Variants in DLGAP2 observed in about 807,000 individuals in gnomAD.
DLGAP2 encodes the protein disks large-associated protein 2.
In DLGAP2, 26 loss-of-function variants were observed where a neutral mutation model predicts 100.3. The ratio of observed to expected loss-of-function variants is 0.26; its 90% CI spans 0.19 to 0.36. The LOEUF (loss-of-function observed/expected upper bound fraction) is 0.36, where lower values mean the gene tolerates loss of function less well. Among genes scored for constraint, DLGAP2 ranks in the 10% least tolerant of loss-of-function variants. The pLI, the probability that DLGAP2 is intolerant of heterozygous loss-of-function variation, is 1.00. For synonymous variants in DLGAP2, 886 were observed against 630.1 expected, an observed-to-expected ratio of 1.41 and a Z score of -6.08; for missense variants, 1,858 against 1,453.2, an observed-to-expected ratio of 1.28 and a Z score of -4.53.
At chr8:876,742 C>G (rs1222493957) in intron 1 of DLGAP2, among the ~76,000 whole-genome samples, 2 of 152,032 alleles carry the variant, frequency 1.3e-5, no homozygotes, top group African/African-American at 4.8e-5. Context: ...TTTCTCTTAC[C>G]TCCTTCTGAT....
chr8:1,555,232 C>T (rs766613077), intron 5 of DLGAP2, among the ~76,000 whole-genome samples: 1 of 152,146 alleles, frequency 6.6e-6, no homozygotes, highest in Non-Finnish European at 1.5e-5. Flanking sequence ...CGCAGCCCCT[C>T]GAGTTTCTGG....
At chr8:1,068,919 C>A (rs1563174767) in intron 2 of DLGAP2, among the ~76,000 whole-genome samples, 1 of 152,086 alleles carries the variant, frequency 6.6e-6, no homozygotes, top group East Asian at 1.9e-4. Flanking sequence ...CCTGGGCAGC[C>A]CCGGGGGCTG....
chr8:854,698 T>C (rs910343619), intron 1 of DLGAP2, among the ~76,000 whole-genome samples: 10 of 151,880 alleles, frequency 6.6e-5, no homozygotes, highest in African/African-American at 2.4e-4. Context: ...CATGCAGGGG[T>C]GAGGGGACAT....
intron 10 of DLGAP2, among the ~76,000 whole-genome samples, chr8:1,671,460 T>A (rs536157939): frequency 6.6e-6 from 1 of 152,298 alleles, no homozygotes; most frequent in Non-Finnish European, 1.5e-5. Flanking sequence ...ACTGAACACA[T>A]CTTCTGTGGA....
chr8:1,473,303 G>A (rs959209072), intron 3 of DLGAP2, among the ~76,000 whole-genome samples: 10 of 152,296 alleles, frequency 6.6e-5, no homozygotes, highest in African/African-American at 2.4e-4. Context: ...CAGGGGCTGA[G>A]TAGATGAACA....
At chr8:881,666 A>ATATATATATAT in intron 1 of DLGAP2, among the ~76,000 whole-genome samples, 10 of 131,060 alleles carry the variant, frequency 7.6e-5, no homozygotes, top group African/African-American at 2.4e-4. Flanking sequence ...CTTGTGGCTG[A>ATATATATATAT]ACACACACAC....
chr8:930,971 C>T (rs1798942978), intron 2 of DLGAP2, among the ~76,000 whole-genome samples: 1 of 152,168 alleles, frequency 6.6e-6, no homozygotes, highest in Admixed American at 6.5e-5. Flanking sequence ...TTTGGGGGCT[C>T]AGATCCATTC....
intron 1 of DLGAP2, among the ~76,000 whole-genome samples, chr8:790,577 C>T (rs1357685356): frequency 1.3e-5 from 2 of 152,092 alleles, no homozygotes; most frequent in Non-Finnish European, 2.9e-5. Flanking sequence ...GTTTCCTGGT[C>T]CCAGTGTAAA....
At chr8:1,322,834 A>G (rs1452981944) in intron 3 of DLGAP2, among the ~76,000 whole-genome samples, 2 of 152,180 alleles carry the variant, frequency 1.3e-5, no homozygotes, top group Non-Finnish European at 2.9e-5. Flanking sequence ...TAATGGTCCT[A>G]TATTTGTAGG....
At chr8:1,058,358 G>A (rs989251984) in intron 2 of DLGAP2, among the ~76,000 whole-genome samples, 1 of 152,190 alleles carries the variant, frequency 6.6e-6, no homozygotes, top group African/African-American at 2.4e-5. Flanking sequence ...CGGCTCCGAC[G>A]GGCGACCTGA....
At chr8:1,331,155 C>G (rs2117059312) in intron 3 of DLGAP2, among the ~76,000 whole-genome samples, 1 of 152,308 alleles carries the variant, frequency 6.6e-6, no homozygotes, top group Non-Finnish European at 1.5e-5. Context: ...ATGGCCGTCA[C>G]AGTGCACTGG....
At chr8:814,410 T>C (rs1315283353) in intron 1 of DLGAP2, among the ~76,000 whole-genome samples, 1 of 152,210 alleles carries the variant, frequency 6.6e-6, no homozygotes, top group Admixed American at 6.5e-5. Context: ...GTAAGTCTTA[T>C]TATTTTCATG....
intron 3 of DLGAP2, among the ~76,000 whole-genome samples, chr8:1,377,546 AAAAATAAAT>A (rs1795987024): frequency 6.6e-6 from 1 of 152,186 alleles, no homozygotes; most frequent in Non-Finnish European, 1.5e-5. Flanking sequence ...TCCGACTCAA[AAAAATAAAT>A]AAAATAAAAT....
rs1489630861 is a variant in DLGAP2, at chr8:1,235,200, G to T, written c.74-23651G>T. ...GCCGTGTCTGCTTCCCTCACACATG[G>T]CGTCATGTCTAGTTCTCTCACACAT... is the stretch of plus-strand genomic sequence containing the variant. On this transcript the variant is annotated intron_variant, in intron 2 of 14. Coordinates refer to ENST00000637795, the MANE Select transcript of DLGAP2 (RefSeq NM_001346810.2). Among the ~76,000 whole-genome samples the T allele has an allele frequency of 2.3e-5, 3 of 131,930 alleles. No individual in the cohort carries two copies. The East Asian group carries it at 6.9e-4, about 30-fold the overall frequency. The allele number at this position is 131,930 out of a possible 152,430, so 86.6% of individuals were successfully genotyped here.
At chr8:1,279,003 A>G (rs972125503) in intron 3 of DLGAP2, among the ~76,000 whole-genome samples, 2 of 152,376 alleles carry the variant, frequency 1.3e-5, no homozygotes, top group Non-Finnish European at 2.9e-5. Flanking sequence ...TATAGAAAAT[A>G]TAAAGAACAT....
At chr8:815,664 C>T (rs1274617362) in intron 1 of DLGAP2, among the ~76,000 whole-genome samples, 1 of 152,082 alleles carries the variant, frequency 6.6e-6, no homozygotes, top group Non-Finnish European at 1.5e-5. Flanking sequence ...AACAATAATA[C>T]TAGAAGAAGA....
chr8:1,470,744 ACTCCTTCCCCG>A (rs1464126195), intron 3 of DLGAP2, among the ~76,000 whole-genome samples: 42 of 252 alleles, frequency 0.17, 2 homozygotes, highest in African/African-American at 0.35. Context: ...CCCTTCCCCG[ACTCCTTCCCCG>A]ACTCCTCCAG....
At chr8:1,491,089 A>AAAAAAAAAC (rs1325559092) in intron 3 of DLGAP2, among the ~76,000 whole-genome samples, 9 of 147,782 alleles carry the variant, frequency 6.1e-5, no homozygotes, top group East Asian at 5.8e-4. Flanking sequence ...AAAAAAAAAA[A>AAAAAAAAAC]AAACCCAAAA....
intron 1 of DLGAP2, among the ~76,000 whole-genome samples, chr8:805,868 T>G (rs7463944): frequency 6.6e-6 from 1 of 151,974 alleles, no homozygotes; most frequent in African/African-American, 2.4e-5. Context: ...CCCGTACACG[T>G]CTTGTTTGGA....
Sources: gnomAD v4.1 joint callset for allele counts (sites outside exome capture counted in the v4.1 genomes callset) on GRCh38, gnomAD v4.1.1 for gene constraint, MANE v1.5 for transcripts, NCBI Gene and HGNC (gene_info 2026-07-23, HGNC 2026-07-21) for gene names.